Variants in LMBRD1 observed in about 807,000 individuals in gnomAD.
LMBRD1 encodes lysosomal cobalamin transport escort protein LMBD1.
A neutral mutation model predicts 74.8 loss-of-function variants in LMBRD1; 64 were observed. That is an observed-to-expected ratio of 0.86 (90% CI 0.70 to 1.05). The LOEUF is 1.05. Ranked by LOEUF, LMBRD1 falls within the 50% of genes least tolerant of loss-of-function variation. The pLI is 0.00. For missense variants in LMBRD1, 652 were observed against 645.9 expected (o/e 1.01, Z -0.10); for synonymous variants, 204 against 216.3 (o/e 0.94, Z 0.50).
intron 14 of LMBRD1, among the ~76,000 whole-genome samples, chr6:69,685,153 G>A (rs1248732434): frequency 6.6e-6 from 1 of 152,048 alleles, no homozygotes; most frequent in Non-Finnish European, 1.5e-5. Context: ...TTTGGAGATT[G>A]AAAAAAGAAG....
chr6:69,792,019 T>C (rs1347239673), intron 1 of LMBRD1, among the ~76,000 whole-genome samples: 1 of 152,208 alleles, frequency 6.6e-6, no homozygotes, highest in Non-Finnish European at 1.5e-5. Flanking sequence ...ACCATGGCAG[T>C]TCCAAGACCA....
chr6:69,731,824 C>CAAAAAAGTTCAT (rs1766865285), intron 7 of LMBRD1, among the ~76,000 whole-genome samples: 2 of 151,666 alleles, frequency 1.3e-5, no homozygotes, highest in Non-Finnish European at 2.9e-5. Flanking sequence ...CCATCTGTGT[C>CAAAAAAGTTCAT]GTATAGTAAA....
rs139104513 is a variant in LMBRD1 at position 69,769,029 on chromosome 6, C to T, written c.307+11465G>A. 1.1e-3 allele frequency among the ~76,000 whole-genome samples: 171 copies of T among 152,162 alleles called. 3 individuals are homozygous for T. Among genetic ancestry groups the T allele is most frequent in the East Asian group, 8.5e-3 (44 of 5,186 alleles). ...CAGGTCTGTATCTCTGCTTTTCCTACTTGGGCTTCACTGAGCTTCTTAGAT... is the reference window on the plus strand; with the variant it reads ...CAGGTCTGTATCTCTGCTTTTCCTATTTGGGCTTCACTGAGCTTCTTAGAT... On this transcript the variant is annotated intron_variant, in intron 3 of 15. Coordinates refer to ENST00000649934, the MANE Select transcript of LMBRD1 (RefSeq NM_018368.4).
intron 7 of LMBRD1, among the ~76,000 whole-genome samples, chr6:69,720,858 C>G (rs183715803): frequency 3.3e-5 from 5 of 152,264 alleles, no homozygotes; most frequent in Admixed American, 2.6e-4. Context: ...CTTGAATCAC[C>G]AATGCCACCC....
intron 3 of LMBRD1, among the ~76,000 whole-genome samples, chr6:69,757,595 T>C (rs891136522): frequency 1.3e-5 from 2 of 152,198 alleles, no homozygotes; most frequent in Admixed American, 6.5e-5. Context: ...AACATTTATT[T>C]TATAACATTT....
chr6:69,777,206 C>T (rs944165403), intron 3 of LMBRD1, among the ~76,000 whole-genome samples: 1 of 151,986 alleles, frequency 6.6e-6, no homozygotes, highest in African/African-American at 2.4e-5. Context: ...AATCCCAGCA[C>T]TTTGGGAGGC....
intron 14 of LMBRD1, among the ~76,000 whole-genome samples, chr6:69,679,039 A>AAAAC (rs368878296): frequency 1.6e-4 from 20 of 123,922 alleles, no homozygotes; most frequent in South Asian, 5.8e-4. Flanking sequence ...CTTTCTGGTT[A>AAAAC]AAACAAAAAA....
rs538087837 is a variant in LMBRD1 at position 69,734,157 on chromosome 6, C to A, written c.636+3785G>T. Among the ~76,000 whole-genome samples the A allele has an allele frequency of 3.3e-5, 5 of 152,266 alleles. No individual in the cohort carries two copies. In the East Asian group the frequency reaches 9.6e-4, roughly 29 times the overall value. ...ACCAATAACTGCTAGGAAGTTGGAT[C>A]TTAGTGGGCTGTTACATCGGAATCT... On this transcript the variant is annotated intron_variant, in intron 7 of 15. Transcript: ENST00000649934.
At chr6:69,790,156 T>G in intron 2 of LMBRD1, 140 bp downstream of exon 2, 1 of 667,708 alleles carries the variant, frequency 1.5e-6, no homozygotes, top group Non-Finnish European at 2.6e-6. Flanking sequence ...TCAGGTTAGA[T>G]GTCACATTCT....
At chr6:69,793,929 C>T (rs1204529318) in intron 1 of LMBRD1, among the ~76,000 whole-genome samples, 1 of 151,886 alleles carries the variant, frequency 6.6e-6, no homozygotes, top group Non-Finnish European at 1.5e-5. Context: ...CCATGCTGCC[C>T]AGGCTGGTCT....
intron 9 of LMBRD1, chr6:69,705,186 G>T: frequency 1.9e-6 from 1 of 527,440 alleles, no homozygotes; most frequent in South Asian, 1.8e-5. Context: ...ACATGGTAGG[G>T]AAAGTTCCCA....
At chr6:69,691,189 A>T (rs1765871296) in intron 14 of LMBRD1, among the ~76,000 whole-genome samples, 1 of 146,292 alleles carries the variant, frequency 6.8e-6, no homozygotes, top group Non-Finnish European at 1.5e-5. Flanking sequence ...TGATGCAATA[A>T]TGTTTCATTT....
In LMBRD1 at chr6:69,674,449, T is replaced by G. The variant is rs971238756; in HGVS notation, c.*1709A>C. 6.6e-6 allele frequency among the ~76,000 whole-genome samples: 1 copy of G among 152,016 alleles called. No individual in the cohort carries two copies. The highest frequency in any genetic ancestry group is 1.5e-5 in the Non-Finnish European group (1 of 68,010). On this transcript the variant is annotated 3_prime_UTR_variant, in exon 16 of 16. Coordinates refer to ENST00000649934, the MANE Select transcript of LMBRD1 (RefSeq NM_018368.4). ...TGATGAGTCAGTTATACAGAAGAGA[T>G]ATGGAGATCTACCTGATTCTTTGTT...
At chr6:69,774,300 T>C (rs2149889578) in intron 3 of LMBRD1, among the ~76,000 whole-genome samples, 1 of 152,352 alleles carries the variant, frequency 6.6e-6, no homozygotes, top group Middle Eastern at 3.4e-3. Context: ...CCCAGCCATG[T>C]GGAACTGTGA....
At chr6:69,706,316 T>C (rs923749262) in intron 9 of LMBRD1, among the ~76,000 whole-genome samples, 2 of 152,214 alleles carry the variant, frequency 1.3e-5, no homozygotes, top group Non-Finnish European at 2.9e-5. Context: ...ATCATTAACT[T>C]TTAGAAATTC....
chr6:69,756,482 T>C (rs1011280287), intron 3 of LMBRD1, among the ~76,000 whole-genome samples: 3 of 152,140 alleles, frequency 2.0e-5, no homozygotes, highest in Admixed American at 1.3e-4. Flanking sequence ...AAAATTAAAC[T>C]GGCAATACCA....
chr6:69,769,888 A>G (rs1218547058), intron 3 of LMBRD1, among the ~76,000 whole-genome samples: 1 of 152,034 alleles, frequency 6.6e-6, no homozygotes, highest in Non-Finnish European at 1.5e-5. Context: ...TGCTCAAACA[A>G]CTCAAGCCAA....
intron 7 of LMBRD1, among the ~76,000 whole-genome samples, chr6:69,728,530 T>C (rs949279749): frequency 2.0e-5 from 3 of 152,214 alleles, no homozygotes; most frequent in Admixed American, 6.5e-5. Context: ...TGTTATTCTG[T>C]GTTGGATGGA....
chr6:69,681,440 T>A (rs1310685178), intron 14 of LMBRD1, among the ~76,000 whole-genome samples: 1 of 151,990 alleles, frequency 6.6e-6, no homozygotes, highest in Non-Finnish European at 1.5e-5. Flanking sequence ...TAATGTATCT[T>A]GACTGCCACT....
Sources: gnomAD v4.1 joint callset for allele counts (sites outside exome capture counted in the v4.1 genomes callset) on GRCh38, gnomAD v4.1.1 for gene constraint, MANE v1.5 for transcripts, NCBI Gene and HGNC (gene_info 2026-07-23, HGNC 2026-07-21) for gene names.